Variants in DIAPH2 observed in about 807,000 individuals in gnomAD.
The protein encoded by DIAPH2 is diaphanous related formin 2.
Under a neutral mutation model 92.7 loss-of-function variants are expected in DIAPH2, and 35 were observed. The observed-to-expected ratio is 0.38, with a 90% confidence interval of 0.29 to 0.50. The LOEUF (loss-of-function observed/expected upper bound fraction) is 0.50. Among genes scored for constraint, DIAPH2 ranks in the 20% least tolerant of loss-of-function variants. DIAPH2 has a pLI of 0.94. For missense variants in DIAPH2, 701 were observed against 819.5 expected (o/e 0.86, Z 1.77); for synonymous variants, 301 against 280.4 (o/e 1.07, Z -0.73).
chrX:96,718,336 G>GTTTTTTTTTTTTTTTTTTTTTT (rs962776012), intron 1 of DIAPH2, among the ~76,000 whole-genome samples: 2 of 10,993 alleles, frequency 1.8e-4, no homozygotes, highest in Admixed American at 1.7e-3. Context: ...CATTTTCTTT[G>GTTTTTTTTTTTTTTTTTTTTTT]TTTTTTTTTT....
At chrX:96,908,220 A>G (rs150395604) in intron 5 of DIAPH2, among the ~76,000 whole-genome samples, 3,812 of 111,747 alleles carry the variant, frequency 0.034, 178 homozygotes, top group African/African-American at 0.12. Context: ...TGTTAAAATG[A>G]TAAATTTTAC....
intron 4 of DIAPH2, among the ~76,000 whole-genome samples, chrX:96,875,198 C>A (rs1174575672): frequency 1.8e-5 from 2 of 112,033 alleles, no homozygotes; most frequent in Non-Finnish European, 3.8e-5. Flanking sequence ...GTAAAGATTA[C>A]AAAATTGGAG....
intron 23 of DIAPH2, among the ~76,000 whole-genome samples, chrX:97,340,658 GTTT>G (rs1197732406): frequency 3.2e-5 from 3 of 95,197 alleles, no homozygotes; most frequent in Non-Finnish European, 2.1e-5. Flanking sequence ...TGTTTTTTTT[GTTT>G]TTTTTTTTTT....
At chrX:96,968,615 A>G (rs1276629256) in intron 17 of DIAPH2, among the ~76,000 whole-genome samples, 1 of 111,738 alleles carries the variant, frequency 8.9e-6, no homozygotes, top group Non-Finnish European at 1.9e-5. Context: ...TAAGTTCCTT[A>G]TAGATTCTGG....
At chrX:97,249,288 G>A (rs912287676) in intron 23 of DIAPH2, among the ~76,000 whole-genome samples, 3 of 111,370 alleles carry the variant, frequency 2.7e-5, no homozygotes, top group African/African-American at 9.8e-5. Flanking sequence ...AAACCCTCAT[G>A]AACTTGGCCT....
At chrX:97,038,751 A>T (rs1400033087) in intron 17 of DIAPH2, among the ~76,000 whole-genome samples, 1 of 110,419 alleles carries the variant, frequency 9.1e-6, no homozygotes, top group Non-Finnish European at 1.9e-5. Context: ...CCATTTGTGT[A>T]TCTTATTTTA....
At chrX:97,164,627 G>A (rs1425612067) in intron 22 of DIAPH2, among the ~76,000 whole-genome samples, 3 of 112,244 alleles carry the variant, frequency 2.7e-5, no homozygotes, top group Non-Finnish European at 5.6e-5. Flanking sequence ...TTCAGATAAT[G>A]TATACCTATT....
At chrX:97,275,361 G>A (rs34453068) in intron 23 of DIAPH2, among the ~76,000 whole-genome samples, 10 of 100,821 alleles carry the variant, frequency 9.9e-5, no homozygotes, top group Non-Finnish European at 1.6e-4. Flanking sequence ...GCAGCTGGCC[G>A]GGCGGGGGCT....
intron 23 of DIAPH2, among the ~76,000 whole-genome samples, chrX:97,263,556 GTTATTTATTTATTTATTTAT>G (rs201397413): frequency 1.6e-4 from 16 of 98,040 alleles, no homozygotes; most frequent in Admixed American, 3.4e-4. Context: ...TGTTCCAACT[GTTATTTATTTATTTATTTAT>G]TTATTTATTT....
chrX:97,494,214 G>T (rs1306661042), intron 26 of DIAPH2, among the ~76,000 whole-genome samples: 3 of 108,433 alleles, frequency 2.8e-5, no homozygotes, highest in African/African-American at 1.0e-4. Flanking sequence ...AGCTACTCGG[G>T]ATGCTGAGGC....
At chrX:96,718,336 G>GTTTTTTTTTTTTTTTTTTTTTTT (rs962776012) in intron 1 of DIAPH2, among the ~76,000 whole-genome samples, 2 of 10,987 alleles carry the variant, frequency 1.8e-4, no homozygotes, top group Non-Finnish European at 1.4e-4. Flanking sequence ...CATTTTCTTT[G>GTTTTTTTTTTTTTTTTTTTTTTT]TTTTTTTTTT....
chrX:96,924,801 CT>C (rs777052124), intron 9 of DIAPH2, among the ~76,000 whole-genome samples: 1 of 110,463 alleles, frequency 9.1e-6, no homozygotes, highest in South Asian at 3.9e-4. Flanking sequence ...ACAACCAGAT[CT>C]TATGAGAACT....
At chrX:97,037,246 A>C (rs1273581964) in intron 17 of DIAPH2, among the ~76,000 whole-genome samples, 1 of 111,394 alleles carries the variant, frequency 9.0e-6, no homozygotes. Context: ...TGTGTACTTT[A>C]CTGTAGTACA....
intron 19 of DIAPH2, among the ~76,000 whole-genome samples, chrX:97,075,490 A>C (rs1366330268): frequency 8.9e-6 from 1 of 112,095 alleles, no homozygotes. Context: ...TATCCGTTTC[A>C]GTATAAGCAT....
At chrX:97,254,488 G>T (rs1381265117) in intron 23 of DIAPH2, among the ~76,000 whole-genome samples, 19 of 69,445 alleles carry the variant, frequency 2.7e-4, no homozygotes, top group African/African-American at 1.2e-3. Context: ...GCAAAACTCT[G>T]TCTCAAAAAA....
intron 24 of DIAPH2, among the ~76,000 whole-genome samples, chrX:97,371,182 A>C (rs188749576): frequency 9.0e-6 from 1 of 111,322 alleles, no homozygotes; most frequent in East Asian, 2.8e-4. Context: ...AACATTATTA[A>C]ATGTAGGCAA....
At chrX:97,181,887 A>C (rs1465281244) in intron 22 of DIAPH2, among the ~76,000 whole-genome samples, 2 of 112,745 alleles carry the variant, frequency 1.8e-5, no homozygotes, top group Non-Finnish European at 3.7e-5. Context: ...AGTTTTTATA[A>C]TAAGATCATG....
intron 17 of DIAPH2, among the ~76,000 whole-genome samples, chrX:97,044,237 T>A (rs1466431481): frequency 8.9e-6 from 1 of 111,907 alleles, no homozygotes; most frequent in Non-Finnish European, 1.9e-5. Flanking sequence ...TGATTTATTT[T>A]TTTTTTGGTC....
chrX:97,380,265 A>G (rs1047232423), intron 24 of DIAPH2, among the ~76,000 whole-genome samples: 7 of 111,556 alleles, frequency 6.3e-5, no homozygotes, highest in African/African-American at 2.3e-4. Flanking sequence ...GTTAGTACCA[A>G]AACACTTTTT....
Sources: gnomAD v4.1 joint callset for allele counts (sites outside exome capture counted in the v4.1 genomes callset) on GRCh38, gnomAD v4.1.1 for gene constraint, MANE v1.5 for transcripts, NCBI Gene and HGNC (gene_info 2026-07-23, HGNC 2026-07-21) for gene names.